Variants in FAM178B observed in about 807,000 individuals in gnomAD.
The protein encoded by FAM178B is protein FAM178B.
FAM178B carries 82 observed loss-of-function variants against 91.7 expected under a neutral mutation model. The observed-to-expected ratio is 0.89, with a 90% CI of 0.75 to 1.07. The LOEUF is 1.07. Ranked by LOEUF, FAM178B falls within the 50% of genes least tolerant of loss-of-function variation. The pLI, the probability that FAM178B is intolerant of heterozygous loss-of-function variation, is 0.00. For missense variants in FAM178B, 769 were observed against 846.7 expected, an observed-to-expected ratio of 0.91 and a Z score of 1.14; for synonymous variants, 368 against 359.4, an observed-to-expected ratio of 1.02 and a Z score of -0.27.
chr2:96,911,050 G>A (rs953125347), intron 12 of FAM178B, among the ~76,000 whole-genome samples: 3 of 152,108 alleles, frequency 2.0e-5, no homozygotes, highest in African/African-American at 7.2e-5. Context: ...TTACAGGTGT[G>A]AGCCACCGTG....
At chr2:96,916,688 T>TCTAA (rs1408924212) in intron 12 of FAM178B, among the ~76,000 whole-genome samples, 2 of 152,204 alleles carry the variant, frequency 1.3e-5, no homozygotes, top group Non-Finnish European at 2.9e-5. Context: ...TCTGCCTTAG[T>TCTAA]ATTCACTTTC....
chr2:96,943,756 G>A (rs1020659635), intron 8 of FAM178B, among the ~76,000 whole-genome samples: 1 of 142,602 alleles, frequency 7.0e-6, no homozygotes, highest in Non-Finnish European at 1.5e-5. Context: ...TCCCTTCAAG[G>A]AAAGCCCCTA....
At chr2:96,947,950 T>C (rs1172449346) in intron 7 of FAM178B, 48 bp from the exon 8 acceptor site, 18 of 1,003,866 alleles carry the variant, frequency 1.8e-5, no homozygotes, top group Non-Finnish European at 2.6e-5. Flanking sequence ...AGCTGGGTCA[T>C]TCCTAAGAAG....
At chr2:96,977,090 G>A (rs1246277159) in intron 1 of FAM178B, among the ~76,000 whole-genome samples, 1 of 149,512 alleles carries the variant, frequency 6.7e-6, no homozygotes, top group Non-Finnish European at 1.5e-5. Flanking sequence ...AGCTACTCGG[G>A]ACGCTGAAGC....
In FAM178B at chr2:96,894,105, G is replaced by A. The variant is rs1396386617; in HGVS notation, c.1651-54C>T. On this transcript the variant is annotated intron_variant, in intron 13 of 16. Coordinates refer to ENST00000490605, the MANE Select transcript of FAM178B (RefSeq NM_001122646.3). ...ACAGAGGGTGGTGGCCAAGAGCTCA[G>A]GGTGCTCCCGGGAATCGGCCTGGAC... The A allele has an allele frequency of 6.4e-6, 10 of 1,551,456 alleles. No homozygotes were observed. In the African/African-American group the frequency reaches 1.2e-4, roughly 19 times the overall value.
At chr2:96,948,241 G>A (rs1208395659) in intron 7 of FAM178B, among the ~76,000 whole-genome samples, 2 of 152,252 alleles carry the variant, frequency 1.3e-5, no homozygotes, top group Non-Finnish European at 2.9e-5. Flanking sequence ...TCATAGCCAT[G>A]CCCCTCCAGG....
At chr2:96,907,240 A>T (rs1459374691) in intron 12 of FAM178B, among the ~76,000 whole-genome samples, 2 of 152,180 alleles carry the variant, frequency 1.3e-5, no homozygotes, top group African/African-American at 4.8e-5. Context: ...ACTGGGACAC[A>T]GCAAGGAGGG....
At chr2:96,955,296 G>T (rs1222785271) in intron 6 of FAM178B, among the ~76,000 whole-genome samples, 1 of 152,148 alleles carries the variant, frequency 6.6e-6, no homozygotes, top group Non-Finnish European at 1.5e-5. Flanking sequence ...AGATCATGAG[G>T]TCAGGAGATC....
rs148574847 is a variant in FAM178B, at chr2:96,981,093, G to A, written c.73+5148C>T. On this transcript the variant is annotated intron_variant, in intron 1 of 16. Coordinates refer to ENST00000490605, the MANE Select transcript of FAM178B (RefSeq NM_001122646.3). ...TGATTCTCCTGCCTCAGCCTCCCAA[G>A]TAGCTGGGATTACAGGCACCCGCCA... 1.5e-3 allele frequency among the ~76,000 whole-genome samples: 221 copies of A among 152,178 alleles called. 8 individuals are homozygous for A. The East Asian group carries it at 0.039, about 27-fold the overall frequency.
intron 5 of FAM178B, among the ~76,000 whole-genome samples, chr2:96,963,516 C>T (rs1289282151): frequency 6.6e-6 from 1 of 152,226 alleles, no homozygotes; most frequent in Non-Finnish European, 1.5e-5. Flanking sequence ...GACGTCATGG[C>T]CGGCTGCCTT....
chr2:96,977,685 T>G (rs2153376226), intron 1 of FAM178B: 2 of 378,236 alleles, frequency 5.3e-6, no homozygotes, highest in South Asian at 4.0e-5. Context: ...CAGCAAAGGC[T>G]GCACGCAATG....
At chr2:96,897,304 T>A (rs1371757739) in intron 13 of FAM178B, among the ~76,000 whole-genome samples, 1 of 152,210 alleles carries the variant, frequency 6.6e-6, no homozygotes, top group Admixed American at 6.5e-5. Context: ...CTAGTAAGTA[T>A]CTGTCAAATG....
intron 9 of FAM178B, among the ~76,000 whole-genome samples, chr2:96,928,352 T>A (rs961596437): frequency 6.6e-6 from 1 of 152,136 alleles, no homozygotes; most frequent in African/African-American, 2.4e-5. Context: ...TATAACACTT[T>A]TACGACCTTA....
intron 8 of FAM178B, among the ~76,000 whole-genome samples, chr2:96,931,266 G>A (rs1441403396): frequency 1.3e-5 from 2 of 152,178 alleles, no homozygotes; most frequent in African/African-American, 4.8e-5. Flanking sequence ...ACTCCACTGT[G>A]TTCAGGAACT....
rs1175186750 is a variant in FAM178B, at chr2:96,973,186, AAC to A, written c.74-582_74-581del. On this transcript the variant is annotated intron_variant, in intron 1 of 16. Transcript: ENST00000490605. Reference sequence around the variant, plus strand: ...TGGTGCCACTGCATGCCAGCCTGGCAACAGAGTGAGACTCCATTTCAAAAAAA... The same window carrying A: ...TGGTGCCACTGCATGCCAGCCTGGCAAGAGTGAGACTCCATTTCAAAAAAA... Among the ~76,000 whole-genome samples, 3 of 146,574 alleles carry A rather than the reference AAC, an allele frequency of 2.0e-5. No individual in the cohort carries two copies. The East Asian group carries it at 6.1e-4, about 30-fold the overall frequency.
chr2:96,971,296 C>A (rs1176484503), intron 3 of FAM178B, among the ~76,000 whole-genome samples: 4 of 147,180 alleles, frequency 2.7e-5, no homozygotes, highest in African/African-American at 1.0e-4. Flanking sequence ...TCTCTCCCAC[C>A]TCCCTCTCTC....
chr2:96,969,151 G>T (rs921355181), intron 4 of FAM178B, among the ~76,000 whole-genome samples: 1 of 152,208 alleles, frequency 6.6e-6, no homozygotes, highest in Non-Finnish European at 1.5e-5. Context: ...GGAAGCAGGG[G>T]CTGCACCATC....
intron 6 of FAM178B, among the ~76,000 whole-genome samples, chr2:96,959,440 G>A (rs866555026): frequency 5.9e-5 from 9 of 152,128 alleles, no homozygotes; most frequent in South Asian, 2.1e-4. Flanking sequence ...ACAATAAGAC[G>A]GACTTGGAAT....
chr2:96,893,721 G>A (rs756194278), intron 14 of FAM178B, among the ~76,000 whole-genome samples: 10 of 152,070 alleles, frequency 6.6e-5, no homozygotes, highest in African/African-American at 2.4e-4. Context: ...CAGCGCCTGC[G>A]GCACGGGTAA....
Sources: allele counts gnomAD v4.1 joint callset (sites outside exome capture counted in the v4.1 genomes callset), GRCh38; gene constraint gnomAD v4.1.1; transcripts MANE v1.5; gene names NCBI Gene and HGNC (gene_info 2026-07-23, HGNC 2026-07-21).